The following CD300LF variants were observed in gnomAD, a reference collection of about 807,000 sequenced individuals.
CD300LF encodes CMRF35-like molecule 1.
Under a neutral mutation model 32.2 loss-of-function variants are expected in CD300LF, and 27 were observed. The observed-to-expected ratio is 0.84, with a 90% CI of 0.62 to 1.15. CD300LF has a LOEUF of 1.15. CD300LF is among the 50% of genes most tolerant of loss of function. The probability of loss-of-function intolerance (pLI) is 0.00; values close to 1 mark genes in which losing one functional copy is unlikely to be tolerated. For missense variants in CD300LF, 348 were observed against 356.8 expected (o/e 0.98, Z 0.20); for synonymous variants, 139 against 143.2 (o/e 0.97, Z 0.21).
At position 74,695,042 on chromosome 17, in the gene CD300LF, T is replaced by C. The variant is rs1053268717; in HGVS notation, c.*54A>G. 1.3e-6 allele frequency: 2 copies of C among 1,555,766 alleles called. No homozygotes were observed. Among genetic ancestry groups the C allele is most frequent in the Non-Finnish European group, 1.7e-6 (2 of 1,147,210 alleles). ...AGGGGAGCAGGGGGCAGACGGTCGA[T>C]GAGGCAGGAGTGTGCTCACAGCCTG... On this transcript the variant is annotated 3_prime_UTR_variant, in exon 7 of 7. Transcript: ENST00000326165.
intron 2 of CD300LF, among the ~76,000 whole-genome samples, chr17:74,703,832 G>A (rs1018735356): frequency 7.2e-5 from 11 of 152,196 alleles, no homozygotes; most frequent in African/African-American, 2.4e-4. Flanking sequence ...CATGCAAACC[G>A]AGGCACTGGG....
chr17:74,698,531 C>T (rs1204674877), intron 3 of CD300LF, 50 bp from the exon 4 acceptor site: 11 of 1,566,974 alleles, frequency 7.0e-6, no homozygotes, highest in Non-Finnish European at 9.5e-6. Context: ...CCACCTGCCT[C>T]TCAGCCCAAT....
At chr17:74,711,545 T>C (rs1235928507) in intron 1 of CD300LF, among the ~76,000 whole-genome samples, 1 of 152,166 alleles carries the variant, frequency 6.6e-6, no homozygotes, top group African/African-American at 2.4e-5. Context: ...CAAGACCTTT[T>C]CTCCAATCTG....
At chr17:74,708,873 G>C (rs1304051090) in intron 1 of CD300LF, among the ~76,000 whole-genome samples, 3 of 142,374 alleles carry the variant, frequency 2.1e-5, no homozygotes, top group African/African-American at 7.9e-5. Context: ...CCGAGATCGC[G>C]CCACTGCACT....
intron 3 of CD300LF, among the ~76,000 whole-genome samples, chr17:74,701,092 A>C (rs2033012166): frequency 6.6e-6 from 1 of 152,240 alleles, no homozygotes; most frequent in Non-Finnish European, 1.5e-5. Context: ...AGCCTCCAGA[A>C]TTGTGAGAAA....
intron 1 of CD300LF, among the ~76,000 whole-genome samples, chr17:74,707,993 C>A (rs535719797): frequency 6.6e-6 from 1 of 151,344 alleles, no homozygotes; most frequent in Non-Finnish European, 1.5e-5. Flanking sequence ...ACTAAAAATA[C>A]AAAAATTAGC....
At chr17:74,703,226 G>T (rs2143745743) in intron 2 of CD300LF, 128 bp from the exon 3 acceptor site, 1 of 1,145,788 alleles carries the variant, frequency 8.7e-7, no homozygotes, top group East Asian at 2.4e-5. Flanking sequence ...ACAGCTCTGA[G>T]CCTGGGCGGG....
intron 1 of CD300LF, among the ~76,000 whole-genome samples, chr17:74,708,830 A>G (rs966860912): frequency 5.4e-5 from 8 of 148,352 alleles, no homozygotes; most frequent in Non-Finnish European, 1.0e-4. Context: ...CAGGAGAATG[A>G]CGTGAACCCG....
chr17:74,694,812 T>G lies in CD300LF; in HGVS notation c.*284A>C. The G allele has an allele frequency of 3.2e-6, 1 of 308,082 alleles. No homozygotes were observed. 19.1% of individuals were successfully genotyped at this position (308,082 alleles called of 1,614,324 possible). A position where few individuals can be genotyped will look rare whatever the true frequency, so the allele number is the denominator to read the frequency against. ...GTACTTCATGATAATAATGATAACATTTTTCTCATTATCATCTTCATCATT... is the reference window on the plus strand; with the variant it reads ...GTACTTCATGATAATAATGATAACAGTTTTCTCATTATCATCTTCATCATT... On this transcript the variant is annotated 3_prime_UTR_variant, in exon 7 of 7. Transcript: ENST00000326165.
At chr17:74,704,275 C>T (rs1319556511) in intron 2 of CD300LF, 7 of 581,730 alleles carry the variant, frequency 1.2e-5, no homozygotes, top group Admixed American at 9.2e-5. Context: ...GGCTTAATCC[C>T]GTCGTGGAGG....
intron 1 of CD300LF, among the ~76,000 whole-genome samples, chr17:74,706,466 G>A (rs1250487551): frequency 1.3e-5 from 2 of 151,494 alleles, no homozygotes; most frequent in Admixed American, 6.6e-5. Context: ...TTGGGAGTTC[G>A]AGATCAGCCT....
At chr17:74,700,767 C>CA (rs1398808547) in intron 3 of CD300LF, among the ~76,000 whole-genome samples, 3 of 151,914 alleles carry the variant, frequency 2.0e-5, no homozygotes, top group Non-Finnish European at 4.4e-5. Context: ...AAACAAACAA[C>CA]AAAAAAAACT....
At chr17:74,705,397 C>G (rs1237898011) in intron 1 of CD300LF, 4 of 538,334 alleles carry the variant, frequency 7.4e-6, no homozygotes, top group Non-Finnish European at 1.4e-5. Flanking sequence ...CCATACAACA[C>G]AGATCCCACT....
At chr17:74,705,190 C>T (rs956587240) in intron 1 of CD300LF, 1 of 698,304 alleles carries the variant, frequency 1.4e-6, no homozygotes, top group Non-Finnish European at 2.6e-6. Context: ...AGACCCCTTT[C>T]CACAGGGTCT....
At chr17:74,712,725 C>A in intron 1 of CD300LF, 99 bp downstream of exon 1, 1 of 1,233,280 alleles carries the variant, frequency 8.1e-7, no homozygotes, top group Non-Finnish European at 1.2e-6. Flanking sequence ...AGGCTCATGC[C>A]ATTAAGGACA....
rs1239091872 is a variant in CD300LF at position 74,712,805 on chromosome 17, C to T, written c.43+19G>A. 1 of 1,613,784 alleles carries T rather than the reference C, an allele frequency of 6.2e-7. No homozygotes were observed. Among genetic ancestry groups the T allele is most frequent in the African/African-American group, 1.3e-5 (1 of 74,884 alleles). The stretch of plus-strand genomic sequence containing the variant: ...TGCTTGCTAAGCTTCCCCAAGAAGA[C>T]AGACCCAGGCCCGCTCACCTGAGAG... On this transcript the variant is annotated intron_variant, in intron 1 of 6. Coordinates refer to ENST00000326165, the MANE Select transcript of CD300LF (RefSeq NM_139018.5).
intron 1 of CD300LF, among the ~76,000 whole-genome samples, chr17:74,708,317 C>T (rs867381547): frequency 1.3e-5 from 2 of 152,084 alleles, no homozygotes; most frequent in Admixed American, 6.5e-5. Flanking sequence ...ACCCATACAG[C>T]TTCAATGGAA....
chr17:74,704,540 C>T lies in CD300LF; in HGVS notation c.320G>A (p.Trp107Ter). 1 of 1,614,170 alleles carries T rather than the reference C, an allele frequency of 6.2e-7. No individual in the cohort carries two copies. The highest frequency in any genetic ancestry group is 8.5e-7 in the Non-Finnish European group (1 of 1,180,022). Residue 107 changes from tryptophan to a stop codon, truncating the protein, a stop_gained, in exon 2 of 7, where the codon TGG (tryptophan) becomes TAG (stop). Coordinates refer to ENST00000326165, the MANE Select transcript of CD300LF (RefSeq NM_139018.5). LOFTEE classifies it high-confidence loss of function. ...ATTTCCAGTTTTCTCAATTCCACACCAGTAAGTGTCAGCATCAGTTTTCAT... is the reference window on the plus strand; with the variant it reads ...ATTTCCAGTTTTCTCAATTCCACACTAGTAAGTGTCAGCATCAGTTTTCAT... ...DLMKTDADTY[W>*]CGIEKTGNDL...
intron 3 of CD300LF, 143 bp downstream of exon 3, chr17:74,702,892 G>A (rs1335047557): frequency 1.5e-6 from 1 of 660,272 alleles, no homozygotes; most frequent in Non-Finnish European, 2.7e-6. Flanking sequence ...GACAGCAAGT[G>A]GGAAGGGCTC....
Sources: gnomAD v4.1 joint callset for allele counts (sites outside exome capture counted in the v4.1 genomes callset) on GRCh38, gnomAD v4.1.1 for gene constraint, MANE v1.5 for transcripts, NCBI Gene and HGNC (gene_info 2026-07-23, HGNC 2026-07-21) for gene names.